The following LHFPL3 variants were observed in gnomAD, a reference collection of about 807,000 sequenced individuals.
LHFPL3 encodes the protein LHFPL tetraspan subfamily member 3 protein.
LHFPL3 carries 5 observed loss-of-function variants against 19.3 expected under a neutral mutation model. That is an observed-to-expected ratio of 0.26 (90% CI 0.14 to 0.54). LHFPL3 has a LOEUF of 0.54. LHFPL3 is among the 20% of genes least tolerant of loss of function. The probability of loss-of-function intolerance (pLI) is 0.94; values close to 1 mark genes in which losing one functional copy is unlikely to be tolerated. For synonymous variants in LHFPL3, 133 were observed against 126.2 expected, an observed-to-expected ratio of 1.05 and a Z score of -0.36; for missense variants, 249 against 307.4, an observed-to-expected ratio of 0.81 and a Z score of 1.42.
chr7:104,396,772 C>A (rs1252359306), intron 1 of LHFPL3, among the ~76,000 whole-genome samples: 1 of 151,778 alleles, frequency 6.6e-6, no homozygotes, highest in Non-Finnish European at 1.5e-5. Flanking sequence ...GCCTGGGCAA[C>A]ACGGCAAAAT....
Position 104,701,559 on chromosome 7 carries a change from T to G in LHFPL3, c.446-35116T>G, listed in dbSNP as rs551901084. 2.6e-5 allele frequency among the ~76,000 whole-genome samples: 4 copies of G among 152,310 alleles called. No homozygotes were observed. The East Asian group carries it at 7.7e-4, about 29-fold the overall frequency. On this transcript the variant is annotated intron_variant, in intron 1 of 2. Transcript: ENST00000424859. Reference sequence around the variant, plus strand: ...TCATTCTAAAGGTCTTTATGTTTGTTGTCTTCACACCGAGTAGGCTGAAGA... The same window carrying G: ...TCATTCTAAAGGTCTTTATGTTTGTGGTCTTCACACCGAGTAGGCTGAAGA...
intron 1 of LHFPL3, among the ~76,000 whole-genome samples, chr7:104,417,660 A>C (rs1303443841): frequency 6.6e-6 from 1 of 152,196 alleles, no homozygotes; most frequent in African/African-American, 2.4e-5. Flanking sequence ...TAAAATATCT[A>C]AGAAAACAAT....
chr7:104,530,891 A>G (rs951843926), intron 1 of LHFPL3, among the ~76,000 whole-genome samples: 2 of 152,240 alleles, frequency 1.3e-5, no homozygotes, highest in Non-Finnish European at 2.9e-5. Flanking sequence ...ACAGTAATTT[A>G]TGTACACGAT....
chr7:104,457,162 A>G (rs957342898), intron 1 of LHFPL3, among the ~76,000 whole-genome samples: 2 of 152,128 alleles, frequency 1.3e-5, no homozygotes, highest in African/African-American at 4.8e-5. Flanking sequence ...GTACATGTGC[A>G]CAATGTGCAG....
chr7:104,361,045 C>T (rs1790381977), intron 1 of LHFPL3, among the ~76,000 whole-genome samples: 1 of 152,120 alleles, frequency 6.6e-6, no homozygotes, highest in Admixed American at 6.5e-5. Context: ...TGTCAGTGTC[C>T]ATAAATAAAG....
chr7:104,479,621 A>T (rs1304708851), intron 1 of LHFPL3, among the ~76,000 whole-genome samples: 1 of 151,968 alleles, frequency 6.6e-6, no homozygotes, highest in Non-Finnish European at 1.5e-5. Context: ...CAAACTCCTG[A>T]CCTCATGTGA....
At chr7:104,469,899 C>T (rs552284479) in intron 1 of LHFPL3, 1 of 377,972 alleles carries the variant, frequency 2.6e-6, no homozygotes, top group Non-Finnish European at 5.3e-6. Context: ...ATATTAATAT[C>T]TATATCTAAC....
intron 1 of LHFPL3, among the ~76,000 whole-genome samples, chr7:104,725,019 CA>C (rs1421260202): frequency 6.6e-6 from 1 of 152,196 alleles, no homozygotes; most frequent in African/African-American, 2.4e-5. Context: ...TAACTTTCAG[CA>C]AAATATCCAT....
At chr7:104,558,699 T>G (rs1384384976) in intron 1 of LHFPL3, among the ~76,000 whole-genome samples, 1 of 149,988 alleles carries the variant, frequency 6.7e-6, no homozygotes, top group Non-Finnish European at 1.5e-5. Flanking sequence ...TCCCATTTGT[T>G]AATTTTGGCT....
At chr7:104,631,421 A>T (rs941629109) in intron 1 of LHFPL3, among the ~76,000 whole-genome samples, 8 of 152,050 alleles carry the variant, frequency 5.3e-5, no homozygotes, top group Non-Finnish European at 1.2e-4. Context: ...GCTGAGAATC[A>T]GTGGTCAAAA....
intron 1 of LHFPL3, among the ~76,000 whole-genome samples, chr7:104,692,740 T>G (rs1792927453): frequency 6.6e-6 from 1 of 152,208 alleles, no homozygotes; most frequent in Admixed American, 6.5e-5. Context: ...GTATGAAAAT[T>G]CCTGGATGTC....
intron 2 of LHFPL3, among the ~76,000 whole-genome samples, chr7:104,794,860 T>C (rs1218524153): frequency 6.6e-6 from 1 of 152,226 alleles, no homozygotes; most frequent in Admixed American, 6.5e-5. Flanking sequence ...GAGAAATTAC[T>C]GCAACCTCCT....
chr7:104,558,200 G>A (rs1412917886), intron 1 of LHFPL3, among the ~76,000 whole-genome samples: 4 of 151,710 alleles, frequency 2.6e-5, no homozygotes, highest in Non-Finnish European at 4.4e-5. Context: ...ACCCAGTAAT[G>A]GGATGGCTGG....
At chr7:104,608,200 T>C (rs1340344902) in intron 1 of LHFPL3, among the ~76,000 whole-genome samples, 18 of 152,146 alleles carry the variant, frequency 1.2e-4, no homozygotes, top group African/African-American at 4.3e-4. Flanking sequence ...TGCACACGTA[T>C]GTTTATTGCA....
chr7:104,561,634 C>A (rs2115950125), intron 1 of LHFPL3, among the ~76,000 whole-genome samples: 1 of 152,268 alleles, frequency 6.6e-6, no homozygotes, highest in African/African-American at 2.4e-5. Context: ...GACTTGTTAT[C>A]CAATTTGCCA....
intron 1 of LHFPL3, among the ~76,000 whole-genome samples, chr7:104,717,504 A>G (rs1257914508): frequency 6.6e-6 from 1 of 152,190 alleles, no homozygotes; most frequent in African/African-American, 2.4e-5. Flanking sequence ...AGACTTGAAC[A>G]TATGTTTCTC....
intron 2 of LHFPL3, among the ~76,000 whole-genome samples, chr7:104,808,681 C>T (rs530859506): frequency 1.4e-4 from 21 of 152,166 alleles, no homozygotes; most frequent in Middle Eastern, 3.4e-3. Flanking sequence ...TGTGTGATTC[C>T]ATCAACTTGT....
At chr7:104,614,680 C>CTTCCTTCCTTCCTTCCTTCCTTCCTTCG (rs767634683) in intron 1 of LHFPL3, among the ~76,000 whole-genome samples, 1 of 94,416 alleles carries the variant, frequency 1.1e-5, no homozygotes, top group Non-Finnish European at 2.2e-5. Flanking sequence ...TCCTTCCTTC[C>CTTCCTTCCTTCCTTCCTTCCTTCCTTCG]TTCTTTCTTT....
At chr7:104,669,544 G>A in intron 1 of LHFPL3, 2 of 1,611,724 alleles carry the variant, frequency 1.2e-6, no homozygotes, top group Middle Eastern at 2.2e-4. Flanking sequence ...TGATGGTGAA[G>A]ATGAAAATGA....
Sources: gnomAD v4.1 joint callset for allele counts (sites outside exome capture counted in the v4.1 genomes callset) on GRCh38, gnomAD v4.1.1 for gene constraint, MANE v1.5 for transcripts, NCBI Gene and HGNC (gene_info 2026-07-23, HGNC 2026-07-21) for gene names.